FHIT: variants seen among roughly 807,000 people sequenced by gnomAD.
The protein encoded by FHIT is fragile histidine triad diadenosine triphosphatase.
A neutral mutation model predicts 17.9 loss-of-function variants in FHIT; 19 were observed. The observed-to-expected ratio is 1.06, with a 90% confidence interval of 0.74 to 1.56. The LOEUF (loss-of-function observed/expected upper bound fraction) is 1.56, where lower values mean the gene tolerates loss of function less well. Among genes scored for constraint, FHIT ranks in the 40% most tolerant of loss-of-function variants. FHIT has a pLI of 0.00. For synonymous variants in FHIT, 81 were observed against 69.7 expected, an observed-to-expected ratio of 1.16 and a Z score of -0.81; for missense variants, 248 against 189.2, an observed-to-expected ratio of 1.31 and a Z score of -1.82.
intron 5 of FHIT, among the ~76,000 whole-genome samples, chr3:60,212,187 G>A (rs1703482952): frequency 6.6e-6 from 1 of 152,042 alleles, no homozygotes; most frequent in South Asian, 2.1e-4. Context: ...TCATCAATAT[G>A]AATTTTAAGG....
At chr3:61,231,445 T>C (rs1234826827) in intron 1 of FHIT, among the ~76,000 whole-genome samples, 1 of 151,500 alleles carries the variant, frequency 6.6e-6, no homozygotes, top group East Asian at 1.9e-4. Flanking sequence ...GCCATGATCA[T>C]GCCACTGCAT....
At chr3:61,246,890 A>G (rs1389276666) in intron 1 of FHIT, among the ~76,000 whole-genome samples, 2 of 151,844 alleles carry the variant, frequency 1.3e-5, no homozygotes, top group Non-Finnish European at 2.9e-5. Context: ...AAAGAAAAAC[A>G]TATCTATTAC....
In FHIT at chr3:60,660,727, C is replaced by CTTTT. The variant is rs1220817643; in HGVS notation, c.-17-123749_-17-123748insAAAA. ...ATGATGTGGAATATCTTTTATTGTGCTCTTTTTTTTTTTTTTTTTTTTTGC... is the reference window on the plus strand; with the variant it reads ...ATGATGTGGAATATCTTTTATTGTGCTTTTTCTTTTTTTTTTTTTTTTTTTTTGC... On this transcript the variant is annotated intron_variant, in intron 4 of 9. Transcript: ENST00000492590. Among the ~76,000 whole-genome samples, 49 of 16,746 alleles carry CTTTT rather than the reference C, an allele frequency of 2.9e-3. 3 individuals carry two copies. Among genetic ancestry groups the CTTTT allele is most frequent in the African/African-American group, 5.9e-3 (43 of 7,332 alleles). 11.0% of individuals were successfully genotyped at this position (16,746 alleles called of 152,430 possible).
intron 4 of FHIT, among the ~76,000 whole-genome samples, chr3:60,687,206 T>C (rs1553698653): frequency 6.6e-6 from 1 of 152,110 alleles, no homozygotes; most frequent in Non-Finnish European, 1.5e-5. Context: ...TTGGTCTTAT[T>C]TAACAGAAAA....
At chr3:60,284,606 T>C (rs1174778538) in intron 5 of FHIT, among the ~76,000 whole-genome samples, 1 of 152,144 alleles carries the variant, frequency 6.6e-6, no homozygotes, top group East Asian at 1.9e-4. Context: ...TTTTCTCACT[T>C]TCTTTGCTAA....
intron 8 of FHIT, among the ~76,000 whole-genome samples, chr3:59,834,229 G>A (rs1316594854): frequency 6.6e-6 from 1 of 152,150 alleles, no homozygotes; most frequent in African/African-American, 2.4e-5. Context: ...TGACTCCAGT[G>A]TTCTCCTGTA....
intron 3 of FHIT, among the ~76,000 whole-genome samples, chr3:60,878,494 T>C (rs531041900): frequency 7.1e-4 from 107 of 150,980 alleles, no homozygotes; most frequent in African/African-American, 2.3e-3. Flanking sequence ...ACCATACCCC[T>C]TTTTTTTTAA....
chr3:60,806,036 C>T (rs185380452), intron 4 of FHIT, among the ~76,000 whole-genome samples: 6 of 152,276 alleles, frequency 3.9e-5, no homozygotes, highest in African/African-American at 1.2e-4. Flanking sequence ...AGGAACTTAA[C>T]CATAGGAAGT....
chr3:60,166,459 G>C lies in FHIT; in HGVS notation c.104-152307C>G, dbSNP rs561164857. 9.9e-5 allele frequency among the ~76,000 whole-genome samples: 15 copies of C among 152,214 alleles called. No homozygotes were observed. In the East Asian group the frequency reaches 2.9e-3, roughly 29 times the overall value. ...TAAACATACATCCAATATGTGTTAA[G>C]TGCTCAGAACATGTCAAGCAGTGTG... On this transcript the variant is annotated intron_variant, in intron 5 of 9. Transcript: ENST00000492590.
chr3:60,148,382 T>C (rs1700326034), intron 5 of FHIT, among the ~76,000 whole-genome samples: 1 of 152,210 alleles, frequency 6.6e-6, no homozygotes, highest in South Asian at 2.1e-4. Context: ...TTTTCTAGCA[T>C]TACCTAGTGA....
intron 5 of FHIT, among the ~76,000 whole-genome samples, chr3:60,384,989 T>C (rs1117870): frequency 0.37 from 56,408 of 152,026 alleles, 11,141 homozygotes; most frequent in Admixed American, 0.49. Flanking sequence ...GGCATGGCCT[T>C]CTAAGCAGAA....
chr3:59,875,003 G>C (rs1251119571), intron 8 of FHIT, among the ~76,000 whole-genome samples: 6 of 152,206 alleles, frequency 3.9e-5, no homozygotes, highest in Non-Finnish European at 7.3e-5. Flanking sequence ...TTTTGACTCT[G>C]ATCCATTTCA....
intron 5 of FHIT, among the ~76,000 whole-genome samples, chr3:60,108,333 A>C (rs757603903): frequency 2.0e-5 from 3 of 152,212 alleles, no homozygotes; most frequent in Non-Finnish European, 2.9e-5. Context: ...ATTACAACTA[A>C]ATTCAAGCTA....
intron 5 of FHIT, among the ~76,000 whole-genome samples, chr3:60,186,154 A>C (rs982397071): frequency 6.6e-6 from 1 of 151,850 alleles, no homozygotes; most frequent in Non-Finnish European, 1.5e-5. Flanking sequence ...ATTAAGTGTA[A>C]CTTACGATTT....
chr3:61,126,539 C>G (rs1209626811), intron 2 of FHIT, among the ~76,000 whole-genome samples: 1 of 152,094 alleles, frequency 6.6e-6, no homozygotes, highest in Non-Finnish European at 1.5e-5. Context: ...TGTGAGAACT[C>G]ACTCCCTATC....
chr3:60,701,529 C>G (rs562050469), intron 4 of FHIT, among the ~76,000 whole-genome samples: 1 of 151,756 alleles, frequency 6.6e-6, no homozygotes, highest in Non-Finnish European at 1.5e-5. Flanking sequence ...CACAGGGAGT[C>G]GAAGCTGTCC....
chr3:61,105,609 A>G (rs1168036090), intron 2 of FHIT, among the ~76,000 whole-genome samples: 1 of 152,064 alleles, frequency 6.6e-6, no homozygotes, highest in Non-Finnish European at 1.5e-5. Context: ...CCAAAGCAAA[A>G]AAGTCTGGGA....
intron 7 of FHIT, among the ~76,000 whole-genome samples, chr3:59,922,762 A>G (rs139512869): frequency 4.6e-5 from 7 of 152,334 alleles, no homozygotes; most frequent in African/African-American, 1.7e-4. Flanking sequence ...TGAAACTGAC[A>G]AGAAATAAGA....
At chr3:59,986,965 A>G (rs1575825158) in intron 7 of FHIT, among the ~76,000 whole-genome samples, 2 of 126,310 alleles carry the variant, frequency 1.6e-5, no homozygotes. Context: ...ATATATGTAT[A>G]GGATTTACTA....
Sources: gnomAD v4.1 joint callset for allele counts (sites outside exome capture counted in the v4.1 genomes callset) on GRCh38, gnomAD v4.1.1 for gene constraint, MANE v1.5 for transcripts, NCBI Gene and HGNC (gene_info 2026-07-23, HGNC 2026-07-21) for gene names.